The following ROR2 variants were observed in gnomAD, a reference collection of about 807,000 sequenced individuals.
ROR2 encodes tyrosine-protein kinase transmembrane receptor ROR2.
In ROR2, 33 loss-of-function variants were observed where a neutral mutation model predicts 74.9. That is an observed-to-expected ratio of 0.44 (90% confidence interval 0.33 to 0.59). ROR2 has a LOEUF of 0.59. ROR2 is among the 20% of genes least tolerant of loss of function. The probability of loss-of-function intolerance (pLI) is 0.02; values close to 1 mark genes in which losing one functional copy is unlikely to be tolerated. For synonymous variants in ROR2, 586 were observed against 558.7 expected, an observed-to-expected ratio of 1.05 and a Z score of -0.69; for missense variants, 1,216 against 1,313.8, an observed-to-expected ratio of 0.93 and a Z score of 1.15.
intron 2 of ROR2, among the ~76,000 whole-genome samples, chr9:91,767,543 A>C (rs536920603): frequency 6.6e-6 from 1 of 152,380 alleles, no homozygotes; most frequent in African/African-American, 2.4e-5. Context: ...AGCGGGAAAT[A>C]AAACAAATTT....
chr9:91,764,113 G>C (rs1386490324), intron 2 of ROR2, among the ~76,000 whole-genome samples: 1 of 152,174 alleles, frequency 6.6e-6, no homozygotes, highest in African/African-American at 2.4e-5. Context: ...TATGGGAAAT[G>C]ATGGGGCTGG....
chr9:91,784,025 G>A (rs565838159), intron 1 of ROR2, among the ~76,000 whole-genome samples: 2 of 152,134 alleles, frequency 1.3e-5, no homozygotes, highest in East Asian at 1.9e-4. Flanking sequence ...AGGCCAGACC[G>A]CTCCCCTGAA....
At chr9:91,755,114 C>A (rs1825703478) in intron 4 of ROR2, among the ~76,000 whole-genome samples, 1 of 152,152 alleles carries the variant, frequency 6.6e-6, no homozygotes, top group African/African-American at 2.4e-5. Flanking sequence ...GTGATCGTGC[C>A]ACTGCACTCC....
intron 1 of ROR2, among the ~76,000 whole-genome samples, chr9:91,918,263 C>CAA (rs533398274): frequency 0.02 from 2,061 of 104,242 alleles, 60 homozygotes; most frequent in African/African-American, 0.066. Flanking sequence ...AGACTCGTCT[C>CAA]AAAAAAAAAA....
chr9:91,739,533 A>AT (rs1825147597), intron 4 of ROR2, among the ~76,000 whole-genome samples: 1 of 151,834 alleles, frequency 6.6e-6, no homozygotes, highest in South Asian at 2.1e-4. Flanking sequence ...AAAAAAAAAA[A>AT]AAAAGAATGT....
intron 1 of ROR2, among the ~76,000 whole-genome samples, chr9:91,909,791 G>A (rs948895316): frequency 4.4e-5 from 6 of 137,008 alleles, no homozygotes; most frequent in African/African-American, 1.7e-4. Context: ...CAAATCATTA[G>A]CTATTTTATA....
chr9:91,905,006 CACA>C lies in ROR2; in HGVS notation c.97+44858_97+44860del, dbSNP rs1830777559. Among the ~76,000 whole-genome samples the C allele has an allele frequency of 6.6e-6, 1 of 151,806 alleles. No homozygotes were observed. Among genetic ancestry groups the C allele is most frequent in the Non-Finnish European group, 1.5e-5 (1 of 67,976 alleles). ...CATACAATACACACAACACATACCA[CACA>C]ACATATACCACACACAAAAACGTAA... On this transcript the variant is annotated intron_variant, in intron 1 of 8. Transcript: ENST00000375708. The surrounding 1 kb of genome is among the most constrained non-coding windows in gnomAD (Gnocchi z 5.3).
At chr9:91,823,727 T>A (rs900244770) in intron 1 of ROR2, among the ~76,000 whole-genome samples, 1 of 152,228 alleles carries the variant, frequency 6.6e-6, no homozygotes, top group African/African-American at 2.4e-5. Context: ...CTTTTGTGCA[T>A]ATTTGAAAAC....
rs747729518 is a variant in ROR2, at chr9:91,756,095, G to A, written c.470C>T (p.Thr157Met). 17 of 1,613,846 alleles carry A rather than the reference G, an allele frequency of 1.1e-5. No individual in the cohort carries two copies. The Middle Eastern group carries it at 9.9e-4, about 94-fold the overall frequency. The change falls in exon 4 of 9, where the codon ACG (threonine) becomes ATG (methionine). Residue 157 changes from threonine to methionine, a missense_variant. Thr to Met is a moderately conservative substitution (Grantham distance 81). Coordinates refer to ENST00000375708, the MANE Select transcript of ROR2 (RefSeq NM_004560.4). ...CTGAAAGTTATGATTTGGGCTGTGC[G>A]TTGGACCTAAAAAGAGGAAACAAAA... ...TGVLFVRLGP[T>M]HSPNHNFQDD...
intron 2 of ROR2, among the ~76,000 whole-genome samples, chr9:91,767,868 C>G (rs1057078601): frequency 1.6e-4 from 24 of 152,186 alleles, no homozygotes; most frequent in African/African-American, 5.1e-4. Context: ...TGACCCGTGT[C>G]CCCCAGCCAC....
chr9:91,727,901 C>T (rs1417441047), intron 7 of ROR2, among the ~76,000 whole-genome samples: 1 of 152,172 alleles, frequency 6.6e-6, no homozygotes. Flanking sequence ...CCCCTGCTCC[C>T]CCAAATAAGA....
chr9:91,738,553 T>A (rs999622378), intron 4 of ROR2, among the ~76,000 whole-genome samples: 2 of 152,236 alleles, frequency 1.3e-5, no homozygotes, highest in African/African-American at 4.8e-5. Flanking sequence ...AAGGCTTTTA[T>A]GATAACGATG....
At chr9:91,906,907 T>C (rs1166392937) in intron 1 of ROR2, among the ~76,000 whole-genome samples, 1 of 152,144 alleles carries the variant, frequency 6.6e-6, no homozygotes, top group African/African-American at 2.4e-5. Flanking sequence ...CAGTATACCA[T>C]AAAAGTTGCC....
chr9:91,932,666 A>C (rs146575182), intron 1 of ROR2, among the ~76,000 whole-genome samples: 7,730 of 152,188 alleles, frequency 0.051, 237 homozygotes, highest in African/African-American at 0.082. Context: ...TGTCTCAAAA[A>C]AAAAAAAGAA....
intron 1 of ROR2, among the ~76,000 whole-genome samples, chr9:91,862,321 C>T (rs985571969): frequency 6.6e-6 from 1 of 151,680 alleles, no homozygotes; most frequent in African/African-American, 2.4e-5. Context: ...CAGAGCGAGA[C>T]TCCATCACCA....
At chr9:91,909,847 GT>G (rs71362365) in intron 1 of ROR2, among the ~76,000 whole-genome samples, 2 of 53,598 alleles carry the variant, frequency 3.7e-5, no homozygotes, top group Non-Finnish European at 6.2e-5. Flanking sequence ...GGTTTGTTTT[GT>G]TTTTTTTTTT....
At chr9:91,819,431 CTG>C (rs150953970) in intron 1 of ROR2, among the ~76,000 whole-genome samples, 4 of 151,986 alleles carry the variant, frequency 2.6e-5, no homozygotes, top group Non-Finnish European at 5.9e-5. Flanking sequence ...CTGTTAGTCT[CTG>C]TGTGTGTTCT....
At chr9:91,805,918 A>C (rs1055574511) in intron 1 of ROR2, among the ~76,000 whole-genome samples, 1 of 152,176 alleles carries the variant, frequency 6.6e-6, no homozygotes, top group Non-Finnish European at 1.5e-5. Flanking sequence ...CGCACAAACT[A>C]TCACCACTCC....
intron 1 of ROR2, among the ~76,000 whole-genome samples, chr9:91,796,674 G>A (rs1424666642): frequency 6.6e-6 from 1 of 150,994 alleles, no homozygotes; most frequent in Non-Finnish European, 1.5e-5. Flanking sequence ...GGGCCTGACA[G>A]TCTGGGCTAG....
Sources: allele counts gnomAD v4.1 joint callset (sites outside exome capture counted in the v4.1 genomes callset), GRCh38; gene constraint gnomAD v4.1.1; non-coding constraint Gnocchi (gnomAD v3.1); transcripts MANE v1.5; gene names NCBI Gene and HGNC (gene_info 2026-07-23, HGNC 2026-07-21).